The following TNIK variants were observed in gnomAD, a reference collection of about 807,000 sequenced individuals.
TNIK encodes TRAF2 and NCK-interacting protein kinase.
A neutral mutation model predicts 191.3 loss-of-function variants in TNIK; 49 were observed. That is an observed-to-expected ratio of 0.26 (90% CI 0.20 to 0.32). The LOEUF (loss-of-function observed/expected upper bound fraction) is 0.32. TNIK is among the 10% of genes least tolerant of loss of function. The pLI, the probability that TNIK is intolerant of heterozygous loss-of-function variation, is 1.00. For synonymous variants in TNIK, 594 were observed against 600.9 expected (o/e 0.99, Z 0.17); for missense variants, 1,155 against 1,702.3 (o/e 0.68, Z 5.66).
At chr3:171,328,249 G>A (rs75182823) in intron 2 of TNIK, among the ~76,000 whole-genome samples, 3,257 of 152,204 alleles carry the variant, frequency 0.021, 90 homozygotes, top group East Asian at 0.061. Flanking sequence ...TGAACCAGGA[G>A]GCAGACCCTT....
intron 16 of TNIK, among the ~76,000 whole-genome samples, 164 bp downstream of exon 16, chr3:171,128,550 T>TA (rs2108580792): frequency 6.6e-6 from 1 of 152,324 alleles, no homozygotes; most frequent in African/African-American, 2.4e-5. Context: ...CCTGTTCTTC[T>TA]ACTCTTAAAA....
At chr3:171,255,635 A>C (rs565638602) in intron 2 of TNIK, among the ~76,000 whole-genome samples, 5 of 152,244 alleles carry the variant, frequency 3.3e-5, no homozygotes, top group Admixed American at 2.6e-4. Context: ...TCAGTAAACA[A>C]AATGAATTCA....
chr3:171,375,899 G>A (rs1376250886), intron 1 of TNIK, among the ~76,000 whole-genome samples: 3 of 152,112 alleles, frequency 2.0e-5, no homozygotes, highest in South Asian at 4.1e-4. Context: ...AGACACAGCC[G>A]TTCTGTGACA....
intron 24 of TNIK, among the ~76,000 whole-genome samples, chr3:171,086,648 A>T (rs574061008): frequency 2.2e-4 from 33 of 152,224 alleles, no homozygotes; most frequent in Non-Finnish European, 4.3e-4. Context: ...ATAATAGTAC[A>T]TGTGCTTTAT....
intron 1 of TNIK, among the ~76,000 whole-genome samples, chr3:171,420,535 T>A (rs1214335273): frequency 2.0e-5 from 3 of 152,266 alleles, no homozygotes; most frequent in East Asian, 3.9e-4. Flanking sequence ...GACTCCTCCT[T>A]TATCTGTAGA....
intron 1 of TNIK, among the ~76,000 whole-genome samples, chr3:171,442,382 C>T (rs1007975406): frequency 6.6e-6 from 1 of 152,166 alleles, no homozygotes; most frequent in Non-Finnish European, 1.5e-5. Flanking sequence ...CCCCCAGGTA[C>T]TCTTTGCAAA....
intron 2 of TNIK, among the ~76,000 whole-genome samples, chr3:171,361,291 C>T (rs1323392967): frequency 1.3e-5 from 2 of 152,178 alleles, no homozygotes; most frequent in Non-Finnish European, 2.9e-5. Context: ...AAAGTGAAGG[C>T]TGCGAACCAC....
intron 2 of TNIK, among the ~76,000 whole-genome samples, chr3:171,260,199 T>C (rs1037588024): frequency 2.0e-5 from 3 of 152,080 alleles, no homozygotes; most frequent in African/African-American, 7.2e-5. Flanking sequence ...TCCTGAAGTT[T>C]CCTCTTAGTA....
chr3:171,114,249 C>G (rs1042903196), intron 18 of TNIK, among the ~76,000 whole-genome samples: 1 of 152,128 alleles, frequency 6.6e-6, no homozygotes, highest in African/African-American at 2.4e-5. Context: ...ACTTTGTTAA[C>G]AGTTATCATA....
rs373210820 is a variant in TNIK, at chr3:171,087,381, G to A, written c.2847C>T (p.Arg949=). Residue 949 remains arginine, a synonymous_variant, in exon 24 of 33, where the codon CGC becomes CGT. Coordinates refer to ENST00000436636, the MANE Select transcript of TNIK (RefSeq NM_015028.4). The stretch of plus-strand genomic sequence containing the variant: ...CCATCTCCTGGGAATGGGTTGAGAC[G>A]CGCCCCAGTCCCTCAGTCGGGGTTC... ...PAGTPTEGLG[R]VSTHSQEMDS... 93 of 1,613,756 alleles carry A rather than the reference G, an allele frequency of 5.8e-5. No homozygotes were observed. The highest frequency in any genetic ancestry group is 1.7e-4 in the African/African-American group (13 of 74,920).
chr3:171,280,348 C>T (rs1251445275), intron 2 of TNIK, among the ~76,000 whole-genome samples: 1 of 152,172 alleles, frequency 6.6e-6, no homozygotes, highest in Admixed American at 6.5e-5. Context: ...ACAGAATACC[C>T]TGTACCAGGC....
intron 18 of TNIK, among the ~76,000 whole-genome samples, chr3:171,113,998 TAAAA>T (rs10576485): frequency 1.2e-4 from 17 of 139,444 alleles, no homozygotes; most frequent in Non-Finnish European, 1.8e-4. Context: ...ACGATTTTGT[TAAAA>T]AAAAAAAAAA....
At chr3:171,237,900 C>A (rs1744493830) in intron 2 of TNIK, among the ~76,000 whole-genome samples, 1 of 152,170 alleles carries the variant, frequency 6.6e-6, no homozygotes, top group South Asian at 2.1e-4. Flanking sequence ...TAAACTTAAA[C>A]TAGATCTACC....
At chr3:171,410,009 T>C (rs548760506) in intron 1 of TNIK, among the ~76,000 whole-genome samples, 4 of 152,148 alleles carry the variant, frequency 2.6e-5, no homozygotes, top group Admixed American at 2.0e-4. Context: ...ACCACAATTT[T>C]GTACAAACAA....
At chr3:171,322,278 ATC>A (rs1037909561) in intron 2 of TNIK, among the ~76,000 whole-genome samples, 43 of 152,286 alleles carry the variant, frequency 2.8e-4, no homozygotes, top group African/African-American at 1.0e-3. Context: ...TTCAATAAAT[ATC>A]TTTTTTTTAG....
intron 1 of TNIK, among the ~76,000 whole-genome samples, chr3:171,404,528 GTT>G (rs933967968): frequency 7.0e-6 from 1 of 142,592 alleles, no homozygotes; most frequent in Admixed American, 7.0e-5. Context: ...CCTTGAGTTT[GTT>G]TTTTTTTTTA....
intron 5 of TNIK, among the ~76,000 whole-genome samples, chr3:171,191,704 T>G (rs1384346868): frequency 2.6e-5 from 4 of 152,250 alleles, no homozygotes. Flanking sequence ...TTATGCTATT[T>G]GTGACTTTGT....
intron 1 of TNIK, among the ~76,000 whole-genome samples, chr3:171,389,023 C>T (rs1397325458): frequency 2.0e-5 from 3 of 152,138 alleles, no homozygotes; most frequent in African/African-American, 7.2e-5. Flanking sequence ...TAAGCACTTA[C>T]ATGCATTTTC....
intron 8 of TNIK, among the ~76,000 whole-genome samples, chr3:171,176,729 T>C (rs1410710689): frequency 2.0e-5 from 3 of 152,200 alleles, no homozygotes; most frequent in Non-Finnish European, 4.4e-5. Context: ...TTGCAGCAGC[T>C]GGGGCTGACA....
Sources: gnomAD v4.1 joint callset for allele counts (sites outside exome capture counted in the v4.1 genomes callset) on GRCh38, gnomAD v4.1.1 for gene constraint, MANE v1.5 for transcripts, NCBI Gene and HGNC (gene_info 2026-07-23, HGNC 2026-07-21) for gene names.